Variants in LDLRAD4 observed in about 807,000 individuals in gnomAD.
LDLRAD4 encodes the protein low density lipoprotein receptor class A domain containing 4.
A neutral mutation model predicts 17.0 loss-of-function variants in LDLRAD4; 5 were observed. The observed-to-expected ratio is 0.29, with a 90% CI of 0.15 to 0.62. The LOEUF (loss-of-function observed/expected upper bound fraction) is 0.62, where lower values mean the gene tolerates loss of function less well. LDLRAD4 is among the 20% of genes least tolerant of loss of function. LDLRAD4 has a pLI of 0.84. For synonymous variants in LDLRAD4, 168 were observed against 171.8 expected (o/e 0.98, Z 0.17); for missense variants, 340 against 424.7 (o/e 0.80, Z 1.75).
At chr18:13,386,942 AGATAGATG>A (rs1283912167) in intron 1 of LDLRAD4, among the ~76,000 whole-genome samples, 299 of 112,174 alleles carry the variant, frequency 2.7e-3, no homozygotes, top group Middle Eastern at 4.3e-3. Flanking sequence ...ATAGATAGAT[AGATAGATG>A]GATGGATGGA....
intron 1 of LDLRAD4, chr18:13,234,857 C>G (rs950993250): frequency 6.6e-6 from 1 of 152,194 alleles, no homozygotes. Flanking sequence ...AACTTTTGCC[C>G]TTCCATTCTC....
intron 1 of LDLRAD4, among the ~76,000 whole-genome samples, chr18:13,306,085 T>C (rs978718740): frequency 6.6e-6 from 1 of 152,030 alleles, no homozygotes; most frequent in Non-Finnish European, 1.5e-5. Context: ...AGAAAATCAT[T>C]GAGGAGAAAG....
At chr18:13,650,553 C>T (rs930239769) in exon 6 of LDLRAD4, 2 of 395,526 alleles carry the variant, frequency 5.1e-6, no homozygotes, top group African/African-American at 4.1e-5. Flanking sequence ...GCCGCCCCCT[C>T]CTGCACTTGA....
intron 1 of LDLRAD4, among the ~76,000 whole-genome samples, chr18:13,374,752 C>T (rs540819641): frequency 1.4e-4 from 21 of 152,102 alleles, no homozygotes; most frequent in Middle Eastern, 3.2e-3. Flanking sequence ...GGCTGAGGGG[C>T]GATTGAGAAG....
chr18:13,263,688 C>G (rs745867355), intron 1 of LDLRAD4, among the ~76,000 whole-genome samples: 2 of 152,192 alleles, frequency 1.3e-5, no homozygotes, highest in Admixed American at 1.3e-4. Context: ...GTATTACCCA[C>G]CTCATGGGTT....
chr18:13,571,730 G>C (rs1201168951), intron 3 of LDLRAD4, among the ~76,000 whole-genome samples: 1 of 152,124 alleles, frequency 6.6e-6, no homozygotes, highest in South Asian at 2.1e-4. Context: ...TCCGCCTCCC[G>C]GGTTCACGTC....
chr18:13,524,029 T>C (rs2147708169), intron 3 of LDLRAD4, among the ~76,000 whole-genome samples: 1 of 152,244 alleles, frequency 6.6e-6, no homozygotes, highest in Middle Eastern at 3.4e-3. Flanking sequence ...TGGAGAGGGG[T>C]CCTAGCGTGA....
intron 1 of LDLRAD4, among the ~76,000 whole-genome samples, chr18:13,234,618 C>T (rs1040835606): frequency 1.2e-4 from 18 of 152,154 alleles, no homozygotes; most frequent in Admixed American, 9.8e-4. Context: ...GAGGCCATCT[C>T]ACCTGAGCCT....
At chr18:13,642,921 A>ATT (rs1282432755) in intron 4 of LDLRAD4, among the ~76,000 whole-genome samples, 1 of 126,526 alleles carries the variant, frequency 7.9e-6, no homozygotes, top group Middle Eastern at 4.8e-3. Context: ...TTGTTTATCT[A>ATT]TTTTTTGTTT....
intron 1 of LDLRAD4, among the ~76,000 whole-genome samples, chr18:13,239,360 G>T (rs2042509516): frequency 6.6e-6 from 1 of 152,082 alleles, no homozygotes; most frequent in Non-Finnish European, 1.5e-5. Flanking sequence ...GAACAAAGGG[G>T]AGTGCAGGGG....
In LDLRAD4 at chr18:13,494,532, G is replaced by T. The variant is rs187270177; in HGVS notation, c.181+56148G>T. On this transcript the variant is annotated intron_variant, in intron 3 of 5. Transcript: ENST00000359446. ...TGTTTTATAGAAAATATACATTGAG[G>T]CTGGGCATGGTGGTGCACACCTGTA... Among the ~76,000 whole-genome samples the T allele has an allele frequency of 2.0e-3, 293 of 149,482 alleles. 1 individual carries two copies. The highest frequency in any genetic ancestry group is 7.1e-3 in the African/African-American group (290 of 40,586).
chr18:13,259,745 C>T (rs1284267016), intron 1 of LDLRAD4, among the ~76,000 whole-genome samples: 1 of 140,814 alleles, frequency 7.1e-6, no homozygotes, highest in Non-Finnish European at 1.6e-5. Flanking sequence ...GCATCACTTA[C>T]ATGGGATAAT....
At position 13,621,906 on chromosome 18, in the gene LDLRAD4, A is replaced by G. The variant is rs2040690193; in HGVS notation, c.336+635A>G. Reference sequence around the variant, plus strand: ...TTGTCGGCGGTGGACCCTCAAGCCAAACTGCACTATGATCAAACTTGAGAG... The same window carrying G: ...TTGTCGGCGGTGGACCCTCAAGCCAGACTGCACTATGATCAAACTTGAGAG... On this transcript the variant is annotated intron_variant, in intron 4 of 5. Coordinates refer to ENST00000359446, the Ensembl canonical transcript of LDLRAD4. The surrounding 1 kb of genome is among the most constrained non-coding windows in gnomAD (Gnocchi z 5.5). Among the ~76,000 whole-genome samples, 1 of 152,058 alleles carries G rather than the reference A, an allele frequency of 6.6e-6. No individual in the cohort carries two copies. The highest frequency in any genetic ancestry group is 1.5e-5 in the Non-Finnish European group (1 of 67,988).
intron 1 of LDLRAD4, among the ~76,000 whole-genome samples, chr18:13,358,881 A>G (rs2083495624): frequency 6.6e-6 from 1 of 152,226 alleles, no homozygotes. Context: ...AAATTTAACA[A>G]AGGTGAAAAT....
chr18:13,567,918 A>G (rs943404673), intron 3 of LDLRAD4, among the ~76,000 whole-genome samples: 2 of 152,216 alleles, frequency 1.3e-5, no homozygotes, highest in Admixed American at 6.5e-5. Context: ...AGTGGGTGTC[A>G]CTGTTAGGAA....
chr18:13,430,997 T>C (rs2090299321), intron 2 of LDLRAD4, among the ~76,000 whole-genome samples: 1 of 152,236 alleles, frequency 6.6e-6, no homozygotes, highest in Non-Finnish European at 1.5e-5. Context: ...GATTTCTGTT[T>C]AGATGATGCC....
chr18:13,579,067 G>A (rs1252525310), intron 3 of LDLRAD4, among the ~76,000 whole-genome samples: 1 of 151,950 alleles, frequency 6.6e-6, no homozygotes, highest in East Asian at 1.9e-4. Flanking sequence ...GCACGTGCCT[G>A]TAGTCCCAGC....
chr18:13,305,120 T>C lies in LDLRAD4; in HGVS notation c.-383+26932T>C, dbSNP rs572191183. ...ATATTGAAAAAAATTAAGACAAAGT[T>C]AGGCATGTCATGAATGCATAAAATA... On this transcript the variant is annotated intron_variant, in intron 1 of 5. Transcript: ENST00000359446. 5.9e-5 allele frequency among the ~76,000 whole-genome samples: 9 copies of C among 152,312 alleles called. No individual in the cohort carries two copies. In the South Asian group the frequency reaches 1.9e-3, roughly 32 times the overall value.
intron 2 of LDLRAD4, among the ~76,000 whole-genome samples, chr18:13,408,633 T>C (rs1028663741): frequency 1.3e-5 from 2 of 151,786 alleles, no homozygotes; most frequent in African/African-American, 4.8e-5. Flanking sequence ...CCACCACACC[T>C]GGCTAATTTT....
Sources: gnomAD v4.1 joint callset for allele counts (sites outside exome capture counted in the v4.1 genomes callset) on GRCh38, gnomAD v4.1.1 for gene constraint, Gnocchi (gnomAD v3.1) non-coding constraint, MANE v1.5 for transcripts, NCBI Gene and HGNC (gene_info 2026-07-23, HGNC 2026-07-21) for gene names.